FBXL7: variants seen among roughly 807,000 people sequenced by gnomAD.
FBXL7 encodes F-box/LRR-repeat protein 7.
FBXL7 carries 12 observed loss-of-function variants against 38.3 expected under a neutral mutation model. The ratio of observed to expected loss-of-function variants is 0.31; its 90% CI spans 0.20 to 0.51. FBXL7 has a LOEUF of 0.51. FBXL7 is among the 20% of genes least tolerant of loss of function. The probability of loss-of-function intolerance (pLI) is 0.98; values close to 1 mark genes in which losing one functional copy is unlikely to be tolerated. For synonymous variants in FBXL7, 297 were observed against 300.9 expected (o/e 0.99, Z 0.13); for missense variants, 567 against 676.4 (o/e 0.84, Z 1.79).
intron 2 of FBXL7, among the ~76,000 whole-genome samples, chr5:15,631,727 G>GAA (rs889574374): frequency 6.9e-6 from 1 of 145,428 alleles, no homozygotes; most frequent in African/African-American, 2.6e-5. Context: ...TTAGTGCAGT[G>GAA]AAAAAGAGAG....
chr5:15,626,595 G>A (rs1262852834), intron 2 of FBXL7, among the ~76,000 whole-genome samples: 2 of 142,736 alleles, frequency 1.4e-5, no homozygotes, highest in Admixed American at 7.1e-5. Context: ...ATGCACTTAA[G>A]GAAATTGTAA....
chr5:15,601,511 A>G (rs557904009), intron 1 of FBXL7, among the ~76,000 whole-genome samples: 1 of 152,182 alleles, frequency 6.6e-6, no homozygotes, highest in Admixed American at 6.5e-5. Context: ...ACAATTGCCT[A>G]AAGGCCTGTA....
intron 1 of FBXL7, among the ~76,000 whole-genome samples, chr5:15,505,940 C>T (rs945190470): frequency 6.6e-6 from 1 of 152,168 alleles, no homozygotes; most frequent in Non-Finnish European, 1.5e-5. Context: ...TCCATTTCTT[C>T]AACCCTCAAA....
At chr5:15,791,948 C>T (rs530580955) in intron 2 of FBXL7, among the ~76,000 whole-genome samples, 1 of 152,248 alleles carries the variant, frequency 6.6e-6, no homozygotes, top group African/African-American at 2.4e-5. Context: ...ATCGCAGAAG[C>T]TGATTCCCAA....
intron 2 of FBXL7, among the ~76,000 whole-genome samples, chr5:15,738,003 A>G (rs76549616): frequency 0.096 from 14,642 of 152,194 alleles, 904 homozygotes; most frequent in Middle Eastern, 0.17. Flanking sequence ...ATGAGCATCA[A>G]CATATGTGCC....
At chr5:15,647,793 A>G (rs1018846308) in intron 2 of FBXL7, among the ~76,000 whole-genome samples, 1 of 152,148 alleles carries the variant, frequency 6.6e-6, no homozygotes, top group African/African-American at 2.4e-5. Flanking sequence ...CTTTACTACA[A>G]CTCAAGTAGG....
intron 2 of FBXL7, among the ~76,000 whole-genome samples, chr5:15,630,791 G>A (rs760567027): frequency 6.0e-5 from 9 of 149,990 alleles, no homozygotes; most frequent in Non-Finnish European, 1.2e-4. Context: ...CATGAAGTAG[G>A]AGGTTGAATT....
intron 1 of FBXL7, among the ~76,000 whole-genome samples, chr5:15,544,605 A>G (rs1044242617): frequency 4.6e-5 from 7 of 152,164 alleles, no homozygotes; most frequent in African/African-American, 7.2e-5. Flanking sequence ...GCCACCAAAT[A>G]GAAAAGAAGG....
At chr5:15,912,365 G>T (rs1292923762) in intron 2 of FBXL7, among the ~76,000 whole-genome samples, 6 of 137,506 alleles carry the variant, frequency 4.4e-5, no homozygotes, top group Non-Finnish European at 3.1e-5. Flanking sequence ...GTGAGGCAAT[G>T]CCTCGCCCTG....
chr5:15,875,105 C>T (rs1361991959), intron 2 of FBXL7, among the ~76,000 whole-genome samples: 2 of 151,934 alleles, frequency 1.3e-5, no homozygotes, highest in Non-Finnish European at 2.9e-5. Context: ...TCAGAAATAA[C>T]GTCACACATC....
intron 2 of FBXL7, among the ~76,000 whole-genome samples, chr5:15,667,018 TG>T (rs1561077011): frequency 6.6e-6 from 1 of 152,210 alleles, no homozygotes; most frequent in East Asian, 1.9e-4. Context: ...GATTACTATG[TG>T]GTGAAAATTG....
intron 1 of FBXL7, among the ~76,000 whole-genome samples, chr5:15,615,413 C>T (rs1740411984): frequency 6.6e-6 from 1 of 152,178 alleles, no homozygotes; most frequent in Admixed American, 6.5e-5. Flanking sequence ...CCAGATATTG[C>T]TAAATGTCCC....
chr5:15,879,952 C>T (rs1740372957), intron 2 of FBXL7, among the ~76,000 whole-genome samples: 1 of 152,030 alleles, frequency 6.6e-6, no homozygotes, highest in South Asian at 2.1e-4. Context: ...AATCTATCGA[C>T]TAATTTAAGC....
chr5:15,909,456 C>A (rs1304758664), intron 2 of FBXL7, among the ~76,000 whole-genome samples: 1 of 34,874 alleles, frequency 2.9e-5, no homozygotes, highest in Non-Finnish European at 5.6e-5. Flanking sequence ...TTTGTTGATC[C>A]TTTCAAAAAA....
chr5:15,582,102 T>A (rs1431275418), intron 1 of FBXL7, among the ~76,000 whole-genome samples: 1 of 152,142 alleles, frequency 6.6e-6, no homozygotes, highest in Non-Finnish European at 1.5e-5. Context: ...CATGCCTGGC[T>A]AATTTTTTGT....
At chr5:15,923,464 A>G (rs1326976930) in intron 2 of FBXL7, among the ~76,000 whole-genome samples, 3 of 152,222 alleles carry the variant, frequency 2.0e-5, no homozygotes, top group African/African-American at 7.2e-5. Context: ...ACATTGTATG[A>G]CAAGCTATTC....
At chr5:15,913,651 G>A (rs977620366) in intron 2 of FBXL7, among the ~76,000 whole-genome samples, 13 of 152,254 alleles carry the variant, frequency 8.5e-5, no homozygotes, top group African/African-American at 3.1e-4. Context: ...TATTCATGGG[G>A]AAATGAGACT....
intron 1 of FBXL7, among the ~76,000 whole-genome samples, chr5:15,578,723 C>A (rs1739043759): frequency 6.6e-6 from 1 of 152,146 alleles, no homozygotes; most frequent in African/African-American, 2.4e-5. Context: ...CAATTCCAGT[C>A]CATTCTGAAG....
chr5:15,591,607 C>T (rs1739477514), intron 1 of FBXL7, among the ~76,000 whole-genome samples: 1 of 152,146 alleles, frequency 6.6e-6, no homozygotes. Flanking sequence ...CCATTTTTCT[C>T]CCACAATTGG....
Sources: allele counts gnomAD v4.1 joint callset (sites outside exome capture counted in the v4.1 genomes callset), GRCh38; gene constraint gnomAD v4.1.1; transcripts MANE v1.5; gene names NCBI Gene and HGNC (gene_info 2026-07-23, HGNC 2026-07-21).